Variants in PAK3 observed in about 807,000 individuals in gnomAD.
PAK3 encodes serine/threonine-protein kinase PAK 3.
Under a neutral mutation model 41.0 loss-of-function variants are expected in PAK3, and 4 were observed. The observed-to-expected ratio is 0.10, with a 90% CI of 0.05 to 0.22. PAK3 has a LOEUF of 0.22. PAK3 is among the 10% of genes least tolerant of loss of function. PAK3 has a pLI of 1.00. For missense variants in PAK3, 205 were observed against 409.9 expected, an observed-to-expected ratio of 0.50 and a Z score of 4.32; for synonymous variants, 146 against 139.6, an observed-to-expected ratio of 1.05 and a Z score of -0.32.
chrX:110,952,178 A>G (rs1448814343), intron 1 of PAK3, among the ~76,000 whole-genome samples: 1 of 112,002 alleles, frequency 8.9e-6, no homozygotes, highest in Non-Finnish European at 1.9e-5. Context: ...TTCTGCCAGT[A>G]TCCAGATATG....
At chrX:111,008,766 C>T (rs906632341) in intron 1 of PAK3, among the ~76,000 whole-genome samples, 2 of 112,113 alleles carry the variant, frequency 1.8e-5, no homozygotes, top group African/African-American at 6.5e-5. Context: ...ATAGTGAGAG[C>T]TTAATAAGGG....
chrX:111,184,330 A>G (rs2094488216), intron 11 of PAK3, among the ~76,000 whole-genome samples: 1 of 110,967 alleles, frequency 9.0e-6, no homozygotes, highest in Admixed American at 9.6e-5. Context: ...GAGAATTAGG[A>G]ATTTTAACCC....
intron 5 of PAK3, among the ~76,000 whole-genome samples, chrX:111,125,842 T>C (rs982785663): frequency 4.1e-4 from 46 of 111,836 alleles, no homozygotes; most frequent in African/African-American, 1.5e-3. Flanking sequence ...AATTATCAAG[T>C]AGTACCATTT....
At chrX:111,001,550 T>C in intron 1 of PAK3, among the ~76,000 whole-genome samples, 1 of 112,280 alleles carries the variant, frequency 8.9e-6, no homozygotes, top group Middle Eastern at 4.6e-3. Context: ...TGATTTTTCT[T>C]GGACTAATGA....
intron 1 of PAK3, among the ~76,000 whole-genome samples, chrX:111,065,269 A>T (rs1235119154): frequency 9.3e-6 from 1 of 107,777 alleles, no homozygotes; most frequent in African/African-American, 3.4e-5. Context: ...TCATGAAGGG[A>T]TGTTGGATTT....
chrX:111,193,811 T>G (rs147803032), intron 13 of PAK3, among the ~76,000 whole-genome samples: 4,316 of 111,582 alleles, frequency 0.039, 218 homozygotes, highest in African/African-American at 0.13. Context: ...GCATTTGCAC[T>G]TATAAAAAAT....
rs753441081 is a variant in PAK3 at position 111,160,918 on chromosome X, A to G, written c.469-1997A>G. Among the ~76,000 whole-genome samples the G allele has an allele frequency of 6.2e-5, 7 of 112,666 alleles. No individual in the cohort carries two copies. In the South Asian group the frequency reaches 2.2e-3, roughly 35 times the overall value. ...CTTTGCTATTGTGAATAGTGCCACA[A>G]TAAACATACGTGTGCATGTGTCTTT... On this transcript the variant is annotated intron_variant, in intron 8 of 17. Transcript: ENST00000372007.
chrX:111,032,213 G>A (rs1431015705), intron 1 of PAK3, among the ~76,000 whole-genome samples: 1 of 112,082 alleles, frequency 8.9e-6, no homozygotes, highest in Non-Finnish European at 1.9e-5. Flanking sequence ...TAGAAAGTAA[G>A]GAATAACACA....
intron 6 of PAK3, among the ~76,000 whole-genome samples, chrX:111,143,090 T>G (rs1385988328): frequency 1.8e-5 from 2 of 110,898 alleles, no homozygotes; most frequent in African/African-American, 6.5e-5. Context: ...GTGAACTCCA[T>G]CAAAATGTAC....
At chrX:111,107,675 A>G (rs1330038850) in intron 4 of PAK3, among the ~76,000 whole-genome samples, 3 of 112,107 alleles carry the variant, frequency 2.7e-5, no homozygotes, top group Non-Finnish European at 3.8e-5. Context: ...TATGGGTTCT[A>G]GCATGCCTTA....
rs367794854 is a variant in PAK3 at position 111,016,857 on chromosome X, C to A, written c.-28+72229C>A. Among the ~76,000 whole-genome samples, 11 of 110,265 alleles carry A rather than the reference C, an allele frequency of 1.0e-4. No individual in the cohort carries two copies. The South Asian group carries it at 2.0e-3, about 20-fold the overall frequency. ...GAATAATTAGGAGTTGATTAAAGCA[C>A]CTGCCCTAGGACTCTTGGAGATAAA... On this transcript the variant is annotated intron_variant, in intron 1 of 14. Coordinates refer to the PAK3 transcript ENST00000425146.
chrX:111,127,387 G>A (rs901264624), intron 5 of PAK3, among the ~76,000 whole-genome samples: 11 of 110,164 alleles, frequency 1.0e-4, no homozygotes, highest in Non-Finnish European at 1.7e-4. Flanking sequence ...TTTTGAAGAA[G>A]TCCTTTTAAT....
chrX:110,992,410 A>G (rs2091665815), intron 1 of PAK3, among the ~76,000 whole-genome samples: 1 of 110,548 alleles, frequency 9.0e-6, no homozygotes, highest in Non-Finnish European at 1.9e-5. Flanking sequence ...GAGCTTGTTC[A>G]GTGAAGGACA....
intron 16 of PAK3, among the ~76,000 whole-genome samples, chrX:111,198,049 G>C (rs932198656): frequency 8.9e-6 from 1 of 111,907 alleles, no homozygotes; most frequent in Non-Finnish European, 1.9e-5. Context: ...GGTATTCATT[G>C]TGGTTTTGAT....
Position 110,990,597 on chromosome X carries a change from A to G in PAK3, c.-28+45969A>G, listed in dbSNP as rs566912319. On this transcript the variant is annotated intron_variant, in intron 1 of 14. Coordinates refer to the PAK3 transcript ENST00000425146. ...GGATTCCTGGAGGGAGTTGCATTTA[A>G]ACTAAGCTTTGGAATAAAAATTCAC... Among the ~76,000 whole-genome samples the G allele has an allele frequency of 3.6e-5, 4 of 110,656 alleles. No individual in the cohort carries two copies. In the Middle Eastern group the frequency reaches 0.019, roughly 515 times the overall value.
chrX:111,200,278 A>G (rs2094667020), intron 16 of PAK3, among the ~76,000 whole-genome samples: 1 of 112,165 alleles, frequency 8.9e-6, no homozygotes, highest in African/African-American at 3.2e-5. Context: ...TTGCAGTTAA[A>G]CATTTTGTAT....
chrX:111,205,658 T>C (rs752472670), intron 16 of PAK3, among the ~76,000 whole-genome samples: 8 of 111,570 alleles, frequency 7.2e-5, no homozygotes, highest in Non-Finnish European at 1.5e-4. Context: ...TGAAGAACAC[T>C]GCAGTAATAA....
At chrX:111,083,244 C>A (rs1433344346) in intron 1 of PAK3, among the ~76,000 whole-genome samples, 1 of 112,023 alleles carries the variant, frequency 8.9e-6, no homozygotes, top group Non-Finnish European at 1.9e-5. Flanking sequence ...TCCCATAAAT[C>A]AAAATACAGC....
At position 111,111,983 on chromosome X, in the gene PAK3, A is replaced by G. The variant is rs1012955514; in HGVS notation, c.-28+8677A>G. Among the ~76,000 whole-genome samples, 3 of 111,295 alleles carry G rather than the reference A, an allele frequency of 2.7e-5. No homozygotes were observed. The Admixed American group carries it at 2.9e-4, about 11-fold the overall frequency. On this transcript the variant is annotated intron_variant, in intron 4 of 17. Coordinates refer to ENST00000372007, the MANE Select transcript of PAK3 (RefSeq NM_002578.5). ...TGTGCTTTCTGTCTCTTGACTGATT[A>G]TCTTAGTGTTGTCACTTTTCAAAAT...
Sources: gnomAD v4.1 joint callset for allele counts (sites outside exome capture counted in the v4.1 genomes callset) on GRCh38, gnomAD v4.1.1 for gene constraint, MANE v1.5 for transcripts, NCBI Gene and HGNC (gene_info 2026-07-23, HGNC 2026-07-21) for gene names.